The following KANK4 variants were observed in gnomAD, a reference collection of about 807,000 sequenced individuals.
The protein encoded by KANK4 is KN motif and ankyrin repeat domain-containing protein 4.
Under a neutral mutation model 80.8 loss-of-function variants are expected in KANK4, and 50 were observed. The ratio of observed to expected loss-of-function variants is 0.62; its 90% CI spans 0.49 to 0.78. KANK4 has a LOEUF of 0.78. Among genes scored for constraint, KANK4 ranks in the 30% least tolerant of loss-of-function variants. KANK4 has a pLI of 0.00. For synonymous variants in KANK4, 465 were observed against 506.9 expected (o/e 0.92, Z 1.11); for missense variants, 1,196 against 1,240.1 (o/e 0.96, Z 0.53).
intron 8 of KANK4, among the ~76,000 whole-genome samples, chr1:62,249,841 C>A (rs141364371): frequency 6.6e-6 from 1 of 151,908 alleles, no homozygotes; most frequent in African/African-American, 2.4e-5. Context: ...CCGCACCCAG[C>A]ACATCTGGTC....
chr1:62,306,043 G>GGTGC (rs1314967139), intron 1 of KANK4, among the ~76,000 whole-genome samples: 1 of 152,042 alleles, frequency 6.6e-6, no homozygotes, highest in Non-Finnish European at 1.5e-5. Flanking sequence ...GGAGTGCAGT[G>GGTGC]GTGCCATCAT....
intron 2 of KANK4, among the ~76,000 whole-genome samples, chr1:62,279,690 C>T (rs542784687): frequency 2.0e-5 from 3 of 152,280 alleles, no homozygotes; most frequent in African/African-American, 4.8e-5. Flanking sequence ...CCAGAGTAGG[C>T]GCTCAGTGAA....
intron 1 of KANK4, among the ~76,000 whole-genome samples, chr1:62,302,063 T>G (rs1018584319): frequency 6.6e-6 from 1 of 151,996 alleles, no homozygotes; most frequent in African/African-American, 2.4e-5. Flanking sequence ...GAGAAGACTG[T>G]TCTATGATGT....
intron 7 of KANK4, 144 bp downstream of exon 7, chr1:62,262,947 AC>A: frequency 1.5e-6 from 1 of 687,658 alleles, no homozygotes. Flanking sequence ...ATACTACAAG[AC>A]CAGACTTCAC....
intron 6 of KANK4, 47 bp from the exon 7 acceptor site, chr1:62,263,358 A>G: frequency 1.3e-6 from 2 of 1,487,820 alleles, no homozygotes; most frequent in Non-Finnish European, 1.8e-6. Context: ...CCGGCCAGCA[A>G]GAGTTCCTCC....
At chr1:62,285,216 G>A (rs1472976915) in intron 1 of KANK4, among the ~76,000 whole-genome samples, 1 of 152,206 alleles carries the variant, frequency 6.6e-6, no homozygotes, top group Non-Finnish European at 1.5e-5. Flanking sequence ...AGCCTATGGG[G>A]CGGTAAGGAG....
intron 2 of KANK4, among the ~76,000 whole-genome samples, chr1:62,280,537 C>T (rs547444835): frequency 1.3e-5 from 2 of 152,278 alleles, no homozygotes; most frequent in Admixed American, 6.5e-5. Context: ...CCCTAAGTCC[C>T]GTGCCCGTGA....
intron 1 of KANK4, among the ~76,000 whole-genome samples, chr1:62,292,481 T>C (rs1672699259): frequency 6.6e-6 from 1 of 152,132 alleles, no homozygotes; most frequent in Non-Finnish European, 1.5e-5. Context: ...TACCCATTCC[T>C]CTCACCAGAC....
rs1241068162 is a variant in KANK4 at position 62,263,016 on chromosome 1, T to G, written c.2539+76A>C. On this transcript the variant is annotated intron_variant, in intron 7 of 9. Coordinates refer to ENST00000371153, the MANE Select transcript of KANK4 (RefSeq NM_181712.5). ...ACTTGTACCTTTAAAGCTATTGAAA[T>G]TTTTGAAAAAAATTTTAAAAATTGC... is the stretch of plus-strand genomic sequence containing the variant. The G allele has an allele frequency of 5.7e-5, 63 of 1,101,240 alleles. No individual in the cohort carries two copies. In the East Asian group the frequency reaches 1.2e-3, roughly 21 times the overall value. The allele number at this position is 1,101,240 out of a possible 1,614,324, so 68.2% of individuals were successfully genotyped here. A position where few individuals can be genotyped will look rare whatever the true frequency, so the allele number is the denominator to read the frequency against.
At position 62,318,888 on chromosome 1, in the gene KANK4, A is replaced by AC. The variant is rs1412030787; in HGVS notation, c.-71+217dup. 2.0e-5 allele frequency among the ~76,000 whole-genome samples: 3 copies of AC among 152,000 alleles called. 1 individual carries two copies. Among genetic ancestry groups the AC allele is most frequent in the South Asian group, 4.2e-4 (2 of 4,818 alleles). ...CAGCCCCGCTCCTTTTCTGTCGCAG[A>AC]CCCCAGGCTGGGAGGCGGGGGCGCC... is the stretch of plus-strand genomic sequence containing the variant. On this transcript the variant is annotated intron_variant, in intron 1 of 9. Transcript: ENST00000371153.
intron 1 of KANK4, among the ~76,000 whole-genome samples, chr1:62,299,229 T>C (rs903657189): frequency 1.3e-5 from 2 of 152,200 alleles, no homozygotes; most frequent in African/African-American, 4.8e-5. Flanking sequence ...GGCTAATTTT[T>C]AAAAAATTTT....
intron 4 of KANK4, among the ~76,000 whole-genome samples, chr1:62,268,896 GC>G (rs1672093695): frequency 6.6e-6 from 1 of 152,124 alleles, no homozygotes; most frequent in South Asian, 2.1e-4. Context: ...CCGGAGAGGG[GC>G]CCAACTCTAG....
At chr1:62,290,776 A>G (rs1169872466) in intron 1 of KANK4, among the ~76,000 whole-genome samples, 4 of 148,808 alleles carry the variant, frequency 2.7e-5, no homozygotes, top group Non-Finnish European at 3.0e-5. Context: ...ATGGAGTCTC[A>G]CTCTGTCGCC....
intron 1 of KANK4, among the ~76,000 whole-genome samples, chr1:62,313,799 T>C (rs544602237): frequency 6.6e-6 from 1 of 152,260 alleles, no homozygotes; most frequent in South Asian, 2.1e-4. Context: ...CAAACCACCA[T>C]GGCACATGTA....
At chr1:62,300,745 T>C (rs1644405083) in intron 1 of KANK4, among the ~76,000 whole-genome samples, 1 of 151,850 alleles carries the variant, frequency 6.6e-6, no homozygotes, top group South Asian at 2.1e-4. Flanking sequence ...GAAAGCTGGG[T>C]TTTAAATACA....
chr1:62,253,026 C>T (rs1317353400), intron 8 of KANK4, 41 bp downstream of exon 8: 3 of 1,605,702 alleles, frequency 1.9e-6, no homozygotes, highest in African/African-American at 2.7e-5. Context: ...GGGAGGTGCC[C>T]CTGCATTTAC....
intron 9 of KANK4, among the ~76,000 whole-genome samples, chr1:62,241,190 G>C (rs1671333094): frequency 6.6e-6 from 1 of 152,152 alleles, no homozygotes; most frequent in Non-Finnish European, 1.5e-5. Flanking sequence ...CCATGCACGG[G>C]GATAGAATCC....
At chr1:62,285,729 A>G (rs1440869603) in intron 1 of KANK4, among the ~76,000 whole-genome samples, 1 of 152,084 alleles carries the variant, frequency 6.6e-6, no homozygotes, top group East Asian at 1.9e-4. Context: ...TTCACCAAAC[A>G]ACAACCCTGC....
chr1:62,256,011 G>T (rs1671744080), intron 7 of KANK4, among the ~76,000 whole-genome samples: 1 of 152,184 alleles, frequency 6.6e-6, no homozygotes, highest in Admixed American at 6.5e-5. Context: ...GCCACTTATG[G>T]CCCAGGACAG....
Sources: gnomAD v4.1 joint callset for allele counts (sites outside exome capture counted in the v4.1 genomes callset) on GRCh38, gnomAD v4.1.1 for gene constraint, MANE v1.5 for transcripts, NCBI Gene and HGNC (gene_info 2026-07-23, HGNC 2026-07-21) for gene names.